The following SYT1 variants were observed in gnomAD, a reference collection of about 807,000 sequenced individuals.
SYT1 encodes synaptotagmin-1.
A neutral mutation model predicts 44.8 loss-of-function variants in SYT1; 8 were observed. That is an observed-to-expected ratio of 0.18 (90% CI 0.10 to 0.32). SYT1 has a LOEUF of 0.32. Among genes scored for constraint, SYT1 ranks in the 10% least tolerant of loss-of-function variants. SYT1 has a pLI of 1.00. For synonymous variants in SYT1, 154 were observed against 188.8 expected, an observed-to-expected ratio of 0.82 and a Z score of 1.51; for missense variants, 286 against 509.3, an observed-to-expected ratio of 0.56 and a Z score of 4.22.
At chr12:78,931,736 A>G (rs1288234382) in intron 1 of SYT1, among the ~76,000 whole-genome samples, 2 of 152,252 alleles carry the variant, frequency 1.3e-5, no homozygotes, top group South Asian at 4.1e-4. Flanking sequence ...ACTGTCTTTC[A>G]ATAGAGATGA....
At chr12:79,352,682 T>G (rs1028602495) in intron 8 of SYT1, among the ~76,000 whole-genome samples, 1 of 151,664 alleles carries the variant, frequency 6.6e-6, no homozygotes, top group African/African-American at 2.4e-5. Context: ...GGAGAATCAG[T>G]AGGAGTCTTT....
At chr12:79,372,704 G>T (rs1258410098) in intron 9 of SYT1, among the ~76,000 whole-genome samples, 1 of 152,172 alleles carries the variant, frequency 6.6e-6, no homozygotes, top group Non-Finnish European at 1.5e-5. Flanking sequence ...CCAACAAGTA[G>T]ATCTAAAATT....
chr12:79,342,885 A>G (rs530464325), intron 8 of SYT1, among the ~76,000 whole-genome samples: 10 of 152,346 alleles, frequency 6.6e-5, no homozygotes, highest in African/African-American at 1.9e-4. Context: ...ACAGTTAGAT[A>G]TAAAAGTCTG....
intron 3 of SYT1, among the ~76,000 whole-genome samples, chr12:79,054,448 C>T (rs1874777392): frequency 6.6e-6 from 1 of 151,894 alleles, no homozygotes; most frequent in African/African-American, 2.4e-5. Context: ...GGATTATAGC[C>T]ATAAGTATAA....
chr12:79,115,423 A>G (rs924153445), intron 3 of SYT1, among the ~76,000 whole-genome samples: 1 of 152,186 alleles, frequency 6.6e-6, no homozygotes, highest in Middle Eastern at 3.2e-3. Flanking sequence ...ATTCACTTCT[A>G]CCACCTCAAC....
intron 9 of SYT1, among the ~76,000 whole-genome samples, chr12:79,377,520 A>G (rs556738895): frequency 6.6e-6 from 1 of 152,344 alleles, no homozygotes; most frequent in South Asian, 2.1e-4. Flanking sequence ...AGGACAAAAT[A>G]TAAAAATTCT....
Position 78,878,978 on chromosome 12 carries a change from T to G in SYT1, c.-217+13869T>G, listed in dbSNP as rs555008448. Among the ~76,000 whole-genome samples the G allele has an allele frequency of 6.6e-5, 10 of 151,830 alleles. No homozygotes were observed. In the South Asian group the frequency reaches 1.0e-3, roughly 16 times the overall value. ...CATCAGAATTTCTTACCAGCAATTA[T>G]CTACTCTCACCCTGTAAAAGATACA... is the stretch of plus-strand genomic sequence containing the variant. On this transcript the variant is annotated intron_variant, in intron 1 of 10. Coordinates refer to ENST00000261205, the MANE Select transcript of SYT1 (RefSeq NM_005639.3).
intron 3 of SYT1, among the ~76,000 whole-genome samples, chr12:79,173,268 T>C (rs1871658219): frequency 6.6e-6 from 1 of 151,946 alleles, no homozygotes; most frequent in South Asian, 2.1e-4. Flanking sequence ...AAGTTCCCTG[T>C]AAGCTCACTA....
intron 9 of SYT1, among the ~76,000 whole-genome samples, chr12:79,390,728 A>G (rs1884624473): frequency 6.6e-6 from 1 of 152,214 alleles, no homozygotes; most frequent in South Asian, 2.1e-4. Context: ...AAACTGCACA[A>G]TTGAGCCCTA....
intron 3 of SYT1, among the ~76,000 whole-genome samples, chr12:79,053,723 A>G (rs1460491059): frequency 6.6e-6 from 1 of 151,328 alleles, no homozygotes; most frequent in Non-Finnish European, 1.5e-5. Context: ...ATTATTACAT[A>G]AAACTTAGAC....
intron 4 of SYT1, among the ~76,000 whole-genome samples, chr12:79,272,597 A>G (rs1878489134): frequency 6.6e-6 from 1 of 152,184 alleles, no homozygotes; most frequent in African/African-American, 2.4e-5. Flanking sequence ...GGATGCACAA[A>G]GCATTCTATA....
intron 1 of SYT1, among the ~76,000 whole-genome samples, chr12:78,880,522 TTTAC>T (rs1044943433): frequency 7.2e-5 from 11 of 151,756 alleles, no homozygotes; most frequent in African/African-American, 2.7e-4. Context: ...TTTTATATTT[TTTAC>T]TTCCTGATCT....
At chr12:78,964,657 A>G (rs1438769187) in intron 1 of SYT1, among the ~76,000 whole-genome samples, 1 of 152,168 alleles carries the variant, frequency 6.6e-6, no homozygotes. Context: ...AAAGATACTA[A>G]AGTTTAAAAA....
intron 3 of SYT1, among the ~76,000 whole-genome samples, chr12:79,153,131 G>A (rs1870383443): frequency 6.6e-6 from 1 of 152,028 alleles, no homozygotes; most frequent in Non-Finnish European, 1.5e-5. Context: ...ACCCTCACTG[G>A]GAGAGGTTGA....
chr12:79,313,976 T>C (rs1054540110), intron 8 of SYT1, among the ~76,000 whole-genome samples: 2 of 151,368 alleles, frequency 1.3e-5, no homozygotes, highest in Non-Finnish European at 2.9e-5. Flanking sequence ...GAGACCATCC[T>C]GGTTAACACG....
intron 4 of SYT1, among the ~76,000 whole-genome samples, chr12:79,255,334 T>A (rs960478526): frequency 2.0e-5 from 3 of 152,242 alleles, no homozygotes; most frequent in African/African-American, 7.2e-5. Context: ...TTTTTAGCTA[T>A]AAAGTGTTTT....
At chr12:79,328,052 C>T (rs1276664025) in intron 8 of SYT1, among the ~76,000 whole-genome samples, 2 of 152,080 alleles carry the variant, frequency 1.3e-5, no homozygotes, top group Non-Finnish European at 2.9e-5. Flanking sequence ...TGTCAGTGGC[C>T]ACATCAGCTC....
chr12:79,073,362 A>C (rs148715464), intron 3 of SYT1, among the ~76,000 whole-genome samples: 1 of 152,164 alleles, frequency 6.6e-6, no homozygotes, highest in Non-Finnish European at 1.5e-5. Flanking sequence ...AACCATCTTA[A>C]CAGGAGGAGA....
chr12:79,118,728 A>G (rs1879432332), intron 3 of SYT1, among the ~76,000 whole-genome samples: 1 of 152,188 alleles, frequency 6.6e-6, no homozygotes, highest in South Asian at 2.1e-4. Context: ...AAATTCACCA[A>G]ATGTGCCCTG....
Sources: allele counts gnomAD v4.1 joint callset (sites outside exome capture counted in the v4.1 genomes callset), GRCh38; gene constraint gnomAD v4.1.1; transcripts MANE v1.5; gene names NCBI Gene and HGNC (gene_info 2026-07-23, HGNC 2026-07-21).